The following SVOPL variants were observed in gnomAD, a reference collection of about 807,000 sequenced individuals.
SVOPL encodes putative transporter SVOPL.
A neutral mutation model predicts 61.0 loss-of-function variants in SVOPL; 60 were observed. The ratio of observed to expected loss-of-function variants is 0.98; its 90% CI spans 0.80 to 1.22. SVOPL has a LOEUF of 1.22. Ranked by LOEUF, SVOPL falls within the 50% of genes most tolerant of loss-of-function variation. The pLI, the probability that SVOPL is intolerant of heterozygous loss-of-function variation, is 0.00. For missense variants in SVOPL, 662 were observed against 643.9 expected (o/e 1.03, Z -0.30); for synonymous variants, 279 against 250.0 (o/e 1.12, Z -1.09).
At chr7:138,679,728 C>G (rs1053257318) in intron 1 of SVOPL, among the ~76,000 whole-genome samples, 3 of 152,224 alleles carry the variant, frequency 2.0e-5, no homozygotes, top group Admixed American at 2.0e-4. Flanking sequence ...ACGGAAAGCA[C>G]TCACCCCATA....
chr7:138,659,326 T>C (rs1801896469), intron 6 of SVOPL, among the ~76,000 whole-genome samples: 1 of 152,086 alleles, frequency 6.6e-6, no homozygotes, highest in Non-Finnish European at 1.5e-5. Context: ...ACCCCGTCTC[T>C]ACTAAAAATA....
chr7:138,689,519 A>C, intron 1 of SVOPL: 1 of 667,942 alleles, frequency 1.5e-6, no homozygotes, highest in South Asian at 1.6e-5. Flanking sequence ...TTATGACACG[A>C]GAGTAAATTC....
intron 6 of SVOPL, among the ~76,000 whole-genome samples, chr7:138,658,212 G>C (rs1801838797): frequency 2.0e-5 from 3 of 152,214 alleles, no homozygotes; most frequent in African/African-American, 7.2e-5. Flanking sequence ...ATGCAGCCCA[G>C]CAAGTCTCAG....
At chr7:138,637,006 TTTC>T (rs1331502925) in intron 9 of SVOPL, among the ~76,000 whole-genome samples, 1 of 152,166 alleles carries the variant, frequency 6.6e-6, no homozygotes, top group African/African-American at 2.4e-5. Context: ...TGTCTATCCT[TTTC>T]TTGACAACTT....
chr7:138,693,608 AAAAG>A (rs1289029992), intron 1 of SVOPL, among the ~76,000 whole-genome samples: 108 of 151,492 alleles, frequency 7.1e-4, no homozygotes, highest in South Asian at 2.7e-3. Flanking sequence ...AAAGAAAGAA[AAAAG>A]AAAGAAAGAA....
chr7:138,673,200 G>C (rs901612964), intron 3 of SVOPL, among the ~76,000 whole-genome samples: 2 of 152,162 alleles, frequency 1.3e-5, no homozygotes, highest in Admixed American at 1.3e-4. Flanking sequence ...TTGGAGGTCT[G>C]GGATGAAAAA....
intron 14 of SVOPL, among the ~76,000 whole-genome samples, chr7:138,605,782 G>T (rs1798730861): frequency 6.6e-6 from 1 of 151,998 alleles, no homozygotes; most frequent in South Asian, 2.1e-4. Context: ...AATCTCAATA[G>T]TTCACCAGCT....
chr7:138,679,731 A>G (rs1229593693), intron 1 of SVOPL, among the ~76,000 whole-genome samples: 2 of 152,148 alleles, frequency 1.3e-5, no homozygotes, highest in Admixed American at 1.3e-4. Context: ...GAAAGCACTC[A>G]CCCCATAACT....
chr7:138,673,253 A>G (rs1368682944), intron 3 of SVOPL, among the ~76,000 whole-genome samples: 1 of 152,238 alleles, frequency 6.6e-6, no homozygotes, highest in African/African-American at 2.4e-5. Context: ...TGAAGTACAC[A>G]TATTATAGTG....
At chr7:138,658,297 C>G (rs1162251331) in intron 6 of SVOPL, among the ~76,000 whole-genome samples, 1 of 152,126 alleles carries the variant, frequency 6.6e-6, no homozygotes, top group Non-Finnish European at 1.5e-5. Context: ...CCCCCCCTCC[C>G]TTTTACAAGA....
intron 14 of SVOPL, 124 bp downstream of exon 14, chr7:138,620,922 G>C: frequency 1.2e-6 from 1 of 854,482 alleles, no homozygotes; most frequent in Non-Finnish European, 1.8e-6. Context: ...CAGGGAAACG[G>C]CACCTCCAGA....
chr7:138,620,920 C>T (rs1182097782), intron 14 of SVOPL, 126 bp downstream of exon 14: 18 of 845,340 alleles, frequency 2.1e-5, no homozygotes, highest in Admixed American at 1.0e-4. Context: ...AGCAGGGAAA[C>T]GGCACCTCCA....
At chr7:138,636,303 G>GAA (rs1485773380) in intron 9 of SVOPL, among the ~76,000 whole-genome samples, 1 of 152,054 alleles carries the variant, frequency 6.6e-6, no homozygotes, top group Admixed American at 6.6e-5. Context: ...CATTTTATAA[G>GAA]AAATGTGCAG....
chr7:138,687,793 A>G (rs1336511089), intron 1 of SVOPL, among the ~76,000 whole-genome samples: 2 of 151,288 alleles, frequency 1.3e-5, no homozygotes, highest in African/African-American at 2.4e-5. Flanking sequence ...ACTCGATAAT[A>G]AAAAGAAAAT....
chr7:138,663,170 G>T (rs1462207730), intron 4 of SVOPL, 25 bp from the exon 5 acceptor site: 7 of 1,607,954 alleles, frequency 4.4e-6, no homozygotes, highest in Non-Finnish European at 5.1e-6. Flanking sequence ...GAGATAAAAC[G>T]GTTCTCTAAG....
intron 8 of SVOPL, among the ~76,000 whole-genome samples, chr7:138,646,683 T>TAA (rs1349107602): frequency 2.0e-5 from 3 of 152,136 alleles, no homozygotes; most frequent in African/African-American, 7.2e-5. Flanking sequence ...AACACCCAGC[T>TAA]AAAATTTTTA....
chr7:138,621,878 C>T (rs6966485), intron 13 of SVOPL, among the ~76,000 whole-genome samples: 1 of 43,394 alleles, frequency 2.3e-5, no homozygotes, highest in African/African-American at 1.0e-4. Flanking sequence ...ATCTATCTAT[C>T]TATCTATCTA....
chr7:138,666,372 C>G (rs958386205), intron 4 of SVOPL, among the ~76,000 whole-genome samples: 1 of 152,184 alleles, frequency 6.6e-6, no homozygotes, highest in Non-Finnish European at 1.5e-5. Flanking sequence ...CACTTTATTA[C>G]AAGTCTAAGT....
In SVOPL at chr7:138,663,094, C is replaced by A. The variant is rs762116585; in HGVS notation, c.325G>T (p.Asp109Tyr). 4.3e-6 allele frequency: 7 copies of A among 1,614,164 alleles called. No homozygotes were observed. The South Asian group carries it at 5.5e-5, about 13-fold the overall frequency. The change falls in exon 5 of 16, where the codon GAC becomes TAC. Residue 109 changes from aspartate (D) to tyrosine (Y), a missense_variant. Coordinates refer to ENST00000674285, the MANE Select transcript of SVOPL (RefSeq NM_001139456.2). Reference sequence around the variant, plus strand: ...CCTACCTTCCAGCGGCCATATCTGTCAGCCAGGAGGCCAAAGAGGATACTG... The same window carrying A: ...CCTACCTTCCAGCGGCCATATCTGTAAGCCAGGAGGCCAAAGAGGATACTG... ...VFSILFGLLA[D>Y]RYGRWKILLI... is the part of the protein sequence containing the mutation.
Sources: gnomAD v4.1 joint callset for allele counts (sites outside exome capture counted in the v4.1 genomes callset) on GRCh38, gnomAD v4.1.1 for gene constraint, MANE v1.5 for transcripts, NCBI Gene and HGNC (gene_info 2026-07-23, HGNC 2026-07-21) for gene names.